The following UBD variants were observed in gnomAD, a reference collection of about 807,000 sequenced individuals.
The protein encoded by UBD is ubiquitin like modifier D.
UBD carries 1 observed loss-of-function variant against 2.3 expected under a neutral mutation model. That is an observed-to-expected ratio of 0.43 (90% confidence interval 0.15 to 2.06). The LOEUF is 2.06. UBD is among the 30% of genes most tolerant of loss of function. The pLI is 0.29. For missense variants in UBD, 175 were observed against 199.3 expected, an observed-to-expected ratio of 0.88 and a Z score of 0.73; for synonymous variants, 75 against 76.5, an observed-to-expected ratio of 0.98 and a Z score of 0.10.
At chr6:29,556,422 T>C (rs1174816876) in intron 1 of UBD, 72 bp from the exon 2 acceptor site, 13 of 1,110,766 alleles carry the variant, frequency 1.2e-5, no homozygotes, top group East Asian at 2.4e-5. Context: ...CCCACCACAA[T>C]GGCTCCCCCT....
Position 29,556,195 on chromosome 6 carries a change from T to C in UBD, c.183A>G (p.Arg61=), listed in dbSNP as rs766322177. ...LLGSKILKPR[R]SLSSYGIDKE... ...TGTCAATGCCATAAGATGAGAGGCT[T>C]CTCCGTGGCTTTAAGATCTTGGAGC... The change falls in exon 2 of 2, where the codon AGA becomes AGG. Residue 61 remains arginine (R), a synonymous_variant. Coordinates refer to ENST00000377050, the MANE Select transcript of UBD (RefSeq NM_006398.4). 6.2e-6 allele frequency: 10 copies of C among 1,612,940 alleles called. No individual in the cohort carries two copies. The highest frequency in any genetic ancestry group is 8.5e-6 in the Non-Finnish European group (10 of 1,180,034).
intron 1 of UBD, among the ~76,000 whole-genome samples, chr6:29,558,505 C>T (rs926223016): frequency 1.3e-5 from 2 of 152,238 alleles, no homozygotes; most frequent in Admixed American, 6.5e-5. Flanking sequence ...TGTATGGGAG[C>T]TCTGTCTTCA....
Position 29,555,603 on chromosome 6 carries a change from AT to A in UBD, c.*276del, listed in dbSNP as rs1241482827. 8.7e-5 allele frequency: 39 copies of A among 447,324 alleles called. No individual in the cohort carries two copies. The highest frequency in any genetic ancestry group is 5.8e-4 in the Middle Eastern group (1 of 1,738). The allele number at this position is 447,324 out of a possible 1,614,324, so 27.7% of individuals were successfully genotyped here. A position where few individuals can be genotyped will look rare whatever the true frequency, so the allele number is the denominator to read the frequency against. ...TAACAAGGTATCAAGACAGAATTAA[AT>A]TCCAAGCTGGCTTTGAATGCTCTAT... On this transcript the variant is annotated 3_prime_UTR_variant, in exon 2 of 2. Transcript: ENST00000377050.
In UBD at chr6:29,558,457, C is replaced by G. The variant is rs556722235; in HGVS notation, c.27+1218G>C. ...TGATCGGGATATAAACACAGGCATT[C>G]GAGCCAGCAACGCTACCCTCTTTGG... On this transcript the variant is annotated intron_variant, in intron 1 of 1. Coordinates refer to ENST00000377050, the MANE Select transcript of UBD (RefSeq NM_006398.4). Among the ~76,000 whole-genome samples, 27 of 152,314 alleles carry G rather than the reference C, an allele frequency of 1.8e-4. No individual in the cohort carries two copies. In the East Asian group the frequency reaches 4.8e-3, roughly 27 times the overall value.
At chr6:29,559,021 C>G (rs921902903) in intron 1 of UBD, among the ~76,000 whole-genome samples, 1 of 152,228 alleles carries the variant, frequency 6.6e-6, no homozygotes, top group African/African-American at 2.4e-5. Flanking sequence ...TTTGATAAGA[C>G]TAGGGCCTCA....
In UBD at chr6:29,555,884, C is replaced by T. The variant is rs768211974; in HGVS notation, c.494G>A (p.Gly165Glu). Residue 165 changes from glycine (G) to glutamate (E), a missense_variant, in exon 2 of 2, where the codon GGG becomes GAG. Transcript: ENST00000377050. Reference protein sequence around the residue: ...LLFLACYCIGG With the variant: ...LLFLACYCIGE The stretch of plus-strand genomic sequence containing the variant: ...AACACCCCATGCCCAGGGTGGTCAC[C>T]CTCCAATACAATAACATGCCAGGAA... The T allele has an allele frequency of 1.2e-5, 20 of 1,612,412 alleles. No homozygotes were observed. In the South Asian group the frequency reaches 1.6e-4, roughly 13 times the overall value.
At chr6:29,559,582 C>T in intron 1 of UBD, 93 bp downstream of exon 1, 1 of 1,416,414 alleles carries the variant, frequency 7.1e-7, no homozygotes, top group Non-Finnish European at 9.9e-7. Context: ...CCCCAGAGCC[C>T]TGAGTACTGC....
At position 29,556,016 on chromosome 6, in the gene UBD, G is replaced by A. The variant is rs778768677; in HGVS notation, c.362C>T (p.Thr121Ile). 8 of 1,613,058 alleles carry A rather than the reference G, an allele frequency of 5.0e-6. No homozygotes were observed. The Admixed American group carries it at 1.2e-4, about 24-fold the overall frequency. Residue 121 changes from threonine (T) to isoleucine (I), a missense_variant, in exon 2 of 2, where the codon ACT (threonine) becomes ATT (isoleucine). Coordinates refer to ENST00000377050, the MANE Select transcript of UBD (RefSeq NM_006398.4). ...GGTCTCAGGGATTATACCCGTCTTA[G>A]TCTCGATCATTGCTTTCACTTGTGC... is the stretch of plus-strand genomic sequence containing the variant. ...SVAQVKAMIE[T>I]KTGIIPETQI...
Position 29,556,142 on chromosome 6 carries a change from T to C in UBD, c.236A>G (p.Lys79Arg), listed in dbSNP as rs1259434002. ...CTCCTCATCACTGGGCTTCACCACT[T>C]TCAGGGTAAGGTGGATGGTCTTCTC... ...DKEKTIHLTL[K>R]VVKPSDEELP... The change falls in exon 2 of 2, where the codon AAA (lysine) becomes AGA (arginine). Residue 79 changes from lysine (K) to arginine (R), a missense_variant. Coordinates refer to ENST00000377050, the MANE Select transcript of UBD (RefSeq NM_006398.4). 1 of 1,613,074 alleles carries C rather than the reference T, an allele frequency of 6.2e-7. No homozygotes were observed.
chr6:29,559,270 T>C (rs1762682251), intron 1 of UBD, among the ~76,000 whole-genome samples: 1 of 152,244 alleles, frequency 6.6e-6, no homozygotes, highest in South Asian at 2.1e-4. Context: ...TAATGTAATG[T>C]GTTAGATCAT....
intron 1 of UBD, among the ~76,000 whole-genome samples, chr6:29,558,719 A>G (rs1762650967): frequency 6.6e-6 from 1 of 152,208 alleles, no homozygotes; most frequent in Admixed American, 6.5e-5. Flanking sequence ...AAGGCGTACC[A>G]TTGTTCTGCA....
chr6:29,559,543 C>G (rs930904613), intron 1 of UBD, 132 bp downstream of exon 1: 3 of 815,724 alleles, frequency 3.7e-6, no homozygotes, highest in Non-Finnish European at 4.0e-6. Context: ...CAATGCCAGC[C>G]TCTTCTCCTG....
In UBD at chr6:29,556,186, T is replaced by C. The variant is rs760448603; in HGVS notation, c.192A>G (p.Ser64=). Residue 64 remains serine (S), a synonymous_variant, in exon 2 of 2, where the codon TCA becomes TCG. Transcript: ENST00000377050. ...TCTTCTCTTTGTCAATGCCATAAGA[T>C]GAGAGGCTTCTCCGTGGCTTTAAGA... ...SKILKPRRSL[S]SYGIDKEKTI... is the part of the protein sequence containing the mutation. The C allele has an allele frequency of 1.4e-5, 23 of 1,612,980 alleles. No individual in the cohort carries two copies. Among genetic ancestry groups the C allele is most frequent in the Non-Finnish European group, 1.8e-5 (21 of 1,180,020 alleles).
At chr6:29,557,011 C>T (rs1347385233) in intron 1 of UBD, 1 of 151,982 alleles carries the variant, frequency 6.6e-6, no homozygotes, top group Non-Finnish European at 1.5e-5. Context: ...GTTGGATATG[C>T]CTCATTGTAT....
rs1359625852 is a variant in UBD at position 29,555,874 on chromosome 6, G to A, written c.*6C>T. 6.2e-7 allele frequency: 1 copy of A among 1,610,388 alleles called. No homozygotes were observed. The highest frequency in any genetic ancestry group is 1.7e-5 in the Admixed American group (1 of 59,998). ...GACCCCTGCCAACACCCCATGCCCA[G>A]GGTGGTCACCCTCCAATACAATAAC... On this transcript the variant is annotated 3_prime_UTR_variant, in exon 2 of 2. Coordinates refer to ENST00000377050, the MANE Select transcript of UBD (RefSeq NM_006398.4).
chr6:29,558,128 TTATAATAA>T (rs1762617022), intron 1 of UBD, among the ~76,000 whole-genome samples: 2 of 152,256 alleles, frequency 1.3e-5, no homozygotes, highest in South Asian at 4.1e-4. Flanking sequence ...TCCCACTGCT[TTATAATAA>T]TAACTCACAT....
Position 29,556,280 on chromosome 6 carries a change from AT to A in UBD, c.97del (p.Ile33SerfsTer25). 1 of 1,612,982 alleles carries A rather than the reference AT, an allele frequency of 6.2e-7. No homozygotes were observed. The highest frequency in any genetic ancestry group is 8.5e-7 in the Non-Finnish European group (1 of 1,180,020). Reference protein sequence around the residue: ...DANPYDSVKKIKEHVRSKTKV... With the variant: ...DANPYDSVKKXKEHVRSKTKV... Reference sequence around the variant, plus strand: ...GGTCTTAGACCGGACATGTTCTTTGATTTTTTTCACGCTGTCATATGGGTTG... The same window carrying A: ...GGTCTTAGACCGGACATGTTCTTTGATTTTTTCACGCTGTCATATGGGTTG... On this transcript the variant is annotated frameshift_variant, in exon 2 of 2. Transcript: ENST00000377050. LOFTEE classifies it low-confidence loss of function (END_TRUNC).
intron 1 of UBD, chr6:29,557,173 T>G (rs931953841): frequency 1.3e-5 from 2 of 152,322 alleles, no homozygotes; most frequent in Admixed American, 1.3e-4. Flanking sequence ...CCCTTACACT[T>G]AAAGAATAAA....
intron 1 of UBD, 182 bp from the exon 2 acceptor site, chr6:29,556,532 A>C: frequency 3.5e-6 from 2 of 565,596 alleles, no homozygotes; most frequent in Non-Finnish European, 6.2e-6. Flanking sequence ...CAACACAAAT[A>C]AGATAATTTG....
Sources: allele counts gnomAD v4.1 joint callset (sites outside exome capture counted in the v4.1 genomes callset), GRCh38; gene constraint gnomAD v4.1.1; transcripts MANE v1.5; gene names NCBI Gene and HGNC (gene_info 2026-07-23, HGNC 2026-07-21).